NBAS: variants seen among roughly 807,000 people sequenced by gnomAD.
The protein encoded by NBAS is NAG/BC035112 fusion.
Under a neutral mutation model 302.5 loss-of-function variants are expected in NBAS, and 219 were observed. The observed-to-expected ratio is 0.72, with a 90% CI of 0.65 to 0.81. NBAS has a LOEUF of 0.81. NBAS is among the 30% of genes least tolerant of loss of function. The pLI is 0.00. For synonymous variants in NBAS, 1,118 were observed against 1,021.6 expected (o/e 1.09, Z -1.80); for missense variants, 2,932 against 2,841.6 (o/e 1.03, Z -0.72).
At chr2:15,186,174 A>G (rs1385858469) in intron 50 of NBAS, among the ~76,000 whole-genome samples, 7 of 150,800 alleles carry the variant, frequency 4.6e-5, no homozygotes, top group African/African-American at 1.7e-4. Flanking sequence ...GTGTGTGTAT[A>G]TATATGCATA....
the NBAS span, among the ~76,000 whole-genome samples, chr2:15,104,168 C>T: frequency 6.6e-6 from 1 of 152,146 alleles, no homozygotes; most frequent in Non-Finnish European, 1.5e-5. Context: ...AATGGGAGTT[C>T]CCCTGCACAA....
At chr2:15,380,688 C>A (rs1233016429) in intron 29 of NBAS, among the ~76,000 whole-genome samples, 1 of 152,070 alleles carries the variant, frequency 6.6e-6, no homozygotes, top group East Asian at 1.9e-4. Context: ...ACAAAGCAAT[C>A]CTTTTAAACG....
chr2:15,133,192 C>T, the NBAS span, among the ~76,000 whole-genome samples: 3 of 152,266 alleles, frequency 2.0e-5, no homozygotes, highest in Admixed American at 6.5e-5. Context: ...GAAACATATC[C>T]TGCCCTGGGG....
the NBAS span, among the ~76,000 whole-genome samples, chr2:15,123,552 C>T: frequency 2.6e-5 from 4 of 152,150 alleles, no homozygotes; most frequent in African/African-American, 7.2e-5. Context: ...GGGGGCAGAT[C>T]CCTCATGAAT....
chr2:15,488,821 A>G, intron 12 of NBAS, 73 bp downstream of exon 12: 1 of 1,576,654 alleles, frequency 6.3e-7, no homozygotes, highest in Non-Finnish European at 8.7e-7. Context: ...ATAGTAAAAT[A>G]TCAATAAAAT....
intron 44 of NBAS, among the ~76,000 whole-genome samples, chr2:15,252,274 G>A (rs190756016): frequency 7.0e-4 from 106 of 152,258 alleles, no homozygotes; most frequent in African/African-American, 2.4e-3. Flanking sequence ...CGAGGCGGTT[G>A]GATCACCTGA....
At chr2:15,252,486 G>A (rs1181364574) in intron 44 of NBAS, among the ~76,000 whole-genome samples, 5 of 150,484 alleles carry the variant, frequency 3.3e-5, no homozygotes, top group South Asian at 2.1e-4. Context: ...CAACAAGAGC[G>A]AAACTCCATC....
the NBAS span, among the ~76,000 whole-genome samples, chr2:14,785,474 A>C: frequency 5.3e-5 from 8 of 152,120 alleles, no homozygotes; most frequent in African/African-American, 9.7e-5. Context: ...GATAGCTCTT[A>C]TTATTTTGAG....
Position 15,475,884 on chromosome 2 carries a change from A to T in NBAS, c.1148-4T>A. Reference sequence around the variant, plus strand: ...AGTGGGTAAAAGGACTCTTTATCTAAGAAGCGAAAAACAAATCAATACAAA... The same window carrying T: ...AGTGGGTAAAAGGACTCTTTATCTATGAAGCGAAAAACAAATCAATACAAA... On this transcript the variant is annotated splice_polypyrimidine_tract_variant and splice_region_variant and intron_variant, in intron 13 of 51. Transcript: ENST00000281513. The T allele has an allele frequency of 6.2e-7, 1 of 1,609,062 alleles. No individual in the cohort carries two copies. Among genetic ancestry groups the T allele is most frequent in the Non-Finnish European group, 8.5e-7 (1 of 1,175,740 alleles).
At chr2:14,928,634 T>C in the NBAS span, among the ~76,000 whole-genome samples, 1 of 152,152 alleles carries the variant, frequency 6.6e-6, no homozygotes, top group African/African-American at 2.4e-5. Flanking sequence ...AAATTCAGTT[T>C]AGTTTAAGAG....
At chr2:15,378,193 G>A (rs960997166) in intron 30 of NBAS, among the ~76,000 whole-genome samples, 4 of 152,070 alleles carry the variant, frequency 2.6e-5, no homozygotes, top group South Asian at 2.1e-4. Context: ...GCCTTGAGGC[G>A]GAAAAAATAA....
the NBAS span, among the ~76,000 whole-genome samples, chr2:14,937,910 C>T: frequency 3.9e-5 from 6 of 152,030 alleles, no homozygotes; most frequent in East Asian, 5.8e-4. Flanking sequence ...GCAGGGAGAC[C>T]ATGAAGTCAG....
chr2:14,797,166 G>C, the NBAS span, among the ~76,000 whole-genome samples: 2 of 56,356 alleles, frequency 3.5e-5, no homozygotes, highest in Non-Finnish European at 6.7e-5. Flanking sequence ...CTTTGGGTTG[G>C]GGGGTGACCC....
chr2:14,878,974 G>A, the NBAS span, among the ~76,000 whole-genome samples: 1,820 of 152,212 alleles, frequency 0.012, 40 homozygotes, highest in African/African-American at 0.041. Flanking sequence ...GCATTCCCAC[G>A]AACCCCTAGC....
At chr2:15,176,374 A>G (rs907497487) in intron 51 of NBAS, among the ~76,000 whole-genome samples, 3 of 152,150 alleles carry the variant, frequency 2.0e-5, no homozygotes, top group Non-Finnish European at 4.4e-5. Flanking sequence ...GTGGCTATAA[A>G]GGACAGTATG....
rs759324322 is a variant in NBAS at position 15,561,181 on chromosome 2, G to C, written c.117+7C>G. The C allele has an allele frequency of 6.2e-7, 1 of 1,612,504 alleles. No homozygotes were observed. On this transcript the variant is annotated splice_region_variant and intron_variant, in intron 1 of 51. Coordinates refer to ENST00000281513, the MANE Select transcript of NBAS (RefSeq NM_015909.4). ...GCTGGCTGCTGCTGTAGATGGGCCT[G>C]GTTCACCTGTACTTCAGTCTCCGGT...
chr2:14,854,658 A>G, the NBAS span, among the ~76,000 whole-genome samples: 1 of 152,298 alleles, frequency 6.6e-6, no homozygotes, highest in African/African-American at 2.4e-5. Flanking sequence ...ATTGTGAGCC[A>G]TTGAATGCAG....
chr2:15,177,758 A>G (rs1232225240), intron 51 of NBAS, among the ~76,000 whole-genome samples: 2 of 152,220 alleles, frequency 1.3e-5, no homozygotes, highest in African/African-American at 4.8e-5. Context: ...TCTCCAAGTT[A>G]TTCAACTTTC....
intron 37 of NBAS, 111 bp downstream of exon 37, chr2:15,328,088 G>A (rs1368194416): frequency 1.6e-6 from 2 of 1,221,084 alleles, no homozygotes; most frequent in Non-Finnish European, 2.3e-6. Context: ...TGAATAACAT[G>A]AGTAAGAACC....
Sources: gnomAD v4.1 joint callset for allele counts (sites outside exome capture counted in the v4.1 genomes callset) on GRCh38, gnomAD v4.1.1 for gene constraint, MANE v1.5 for transcripts, NCBI Gene and HGNC (gene_info 2026-07-23, HGNC 2026-07-21) for gene names.